The following MYLK variants were observed in gnomAD, a reference collection of about 807,000 sequenced individuals.
The protein encoded by MYLK is myosin light chain kinase, smooth muscle.
Under a neutral mutation model 203.4 loss-of-function variants are expected in MYLK, and 106 were observed. The observed-to-expected ratio is 0.52, with a 90% CI of 0.45 to 0.61. The LOEUF (loss-of-function observed/expected upper bound fraction) is 0.61. Among genes scored for constraint, MYLK ranks in the 20% least tolerant of loss-of-function variants. MYLK has a pLI of 0.00. For missense variants in MYLK, 2,072 were observed against 2,442.3 expected (o/e 0.85, Z 3.20); for synonymous variants, 867 against 959.5 (o/e 0.90, Z 1.78).
chr3:123,847,514 T>C (rs1041561721), intron 2 of MYLK, among the ~76,000 whole-genome samples: 1 of 152,122 alleles, frequency 6.6e-6, no homozygotes, highest in African/African-American at 2.4e-5. Context: ...GATGTTACTG[T>C]GTATTGTTAA....
intron 3 of MYLK, among the ~76,000 whole-genome samples, chr3:123,826,066 C>T (rs974657438): frequency 6.6e-6 from 1 of 152,186 alleles, no homozygotes; most frequent in Admixed American, 6.5e-5. Context: ...CCACCCCCAC[C>T]CCCAAAAAAG....
intron 13 of MYLK, among the ~76,000 whole-genome samples, chr3:123,720,061 T>C (rs1024570501): frequency 1.6e-4 from 25 of 152,228 alleles, no homozygotes; most frequent in African/African-American, 4.6e-4. Flanking sequence ...TTGTTCACCA[T>C]TTATGGTATC....
chr3:123,698,076 A>G (rs2061005725), intron 18 of MYLK, among the ~76,000 whole-genome samples: 1 of 152,128 alleles, frequency 6.6e-6, no homozygotes, highest in Non-Finnish European at 1.5e-5. Context: ...TAGTTGAGTG[A>G]ATTGTTTGTA....
At position 123,613,809 on chromosome 3, in the gene MYLK, T is replaced by C. The variant is rs180865585; in HGVS notation, c.*296A>G. ...GAATTTATGACTTTGCCCAGATAAA[T>C]ATTTGGTTTGGTTACTTTCTCTCTA... is the stretch of plus-strand genomic sequence containing the variant. On this transcript the variant is annotated 3_prime_UTR_variant, in exon 34 of 34. Coordinates refer to ENST00000360304, the MANE Select transcript of MYLK (RefSeq NM_053025.4). 9.9e-5 allele frequency: 40 copies of C among 402,190 alleles called. No homozygotes were observed. Among genetic ancestry groups the C allele is most frequent in the Middle Eastern group, 7.8e-4 (1 of 1,288 alleles). 24.9% of individuals were successfully genotyped at this position (402,190 alleles called of 1,614,324 possible).
chr3:123,844,822 GTTTTTTTTTTTTTTT>G (rs146243787), intron 2 of MYLK, among the ~76,000 whole-genome samples: 14 of 117,854 alleles, frequency 1.2e-4, no homozygotes, highest in Non-Finnish European at 2.1e-4. Flanking sequence ...CTCCTCAGTT[GTTTTTTTTTTTTTTT>G]TTTTTTTTTT....
intron 2 of MYLK, among the ~76,000 whole-genome samples, chr3:123,833,691 A>C (rs2066404081): frequency 6.6e-6 from 1 of 152,198 alleles, no homozygotes; most frequent in South Asian, 2.1e-4. Context: ...ACAAAAAATA[A>C]AGCTGTTAAT....
At chr3:123,628,748 ATCT>A (rs2058276187) in intron 30 of MYLK, among the ~76,000 whole-genome samples, 1 of 152,038 alleles carries the variant, frequency 6.6e-6, no homozygotes, top group Non-Finnish European at 1.5e-5. Context: ...CCAAGCTCCA[ATCT>A]TCTACTGAAA....
chr3:123,626,098 AG>A (rs1199849316), intron 31 of MYLK, among the ~76,000 whole-genome samples: 1 of 152,138 alleles, frequency 6.6e-6, no homozygotes, highest in East Asian at 1.9e-4. Context: ...CCTGCCTCCT[AG>A]GGTTAAAAGA....
intron 19 of MYLK, among the ~76,000 whole-genome samples, chr3:123,682,637 C>T (rs2060309574): frequency 6.6e-6 from 1 of 152,220 alleles, no homozygotes; most frequent in African/African-American, 2.4e-5. Flanking sequence ...GCTCACCTTC[C>T]CTGGCTTTCT....
chr3:123,651,697 C>A (rs1478746130), intron 24 of MYLK, among the ~76,000 whole-genome samples: 1 of 152,196 alleles, frequency 6.6e-6, no homozygotes, highest in African/African-American at 2.4e-5. Flanking sequence ...CCCTGCGTGC[C>A]TTGAAGGGGG....
rs552470599 is a variant in MYLK, at chr3:123,662,661, G to A, written c.3985+1444C>T. Reference sequence around the variant, plus strand: ...ATTCCAGTGGAAGACTTCTAACCACGGTAGCCACACAAGCCCTGTTACCAA... The same window carrying A: ...ATTCCAGTGGAAGACTTCTAACCACAGTAGCCACACAAGCCCTGTTACCAA... On this transcript the variant is annotated intron_variant, in intron 23 of 33. Coordinates refer to ENST00000360304, the MANE Select transcript of MYLK (RefSeq NM_053025.4). Among the ~76,000 whole-genome samples the A allele has an allele frequency of 3.1e-4, 47 of 152,272 alleles. 1 individual carries two copies. In the South Asian group the frequency reaches 8.9e-3, roughly 29 times the overall value.
chr3:123,883,476 C>A (rs1485994109), intron 1 of MYLK, among the ~76,000 whole-genome samples: 1 of 152,206 alleles, frequency 6.6e-6, no homozygotes, highest in Non-Finnish European at 1.5e-5. Flanking sequence ...ACCATTTCCC[C>A]ATCAGCCCAT....
At chr3:123,645,621 G>T (rs1172310879) in intron 27 of MYLK, among the ~76,000 whole-genome samples, 1 of 152,154 alleles carries the variant, frequency 6.6e-6, no homozygotes, top group African/African-American at 2.4e-5. Context: ...CTTCACTTCT[G>T]GGAGTTTATC....
intron 18 of MYLK, among the ~76,000 whole-genome samples, chr3:123,698,658 A>G (rs1019239345): frequency 2.0e-5 from 3 of 152,150 alleles, no homozygotes; most frequent in African/African-American, 2.4e-5. Flanking sequence ...GGACATCCAC[A>G]TGGAAAAGTT....
At chr3:123,677,118 C>T (rs1254181823) in intron 20 of MYLK, among the ~76,000 whole-genome samples, 1 of 152,194 alleles carries the variant, frequency 6.6e-6, no homozygotes, top group Middle Eastern at 3.2e-3. Context: ...GACACTTTTG[C>T]TGCTGTGTGA....
chr3:123,683,210 C>T (rs999222484), intron 19 of MYLK, among the ~76,000 whole-genome samples: 5 of 144,762 alleles, frequency 3.5e-5, no homozygotes, highest in South Asian at 2.3e-4. Context: ...TCTTTGGGGA[C>T]GGCGCTGAGA....
Position 123,733,004 on chromosome 3 carries a change from G to A in MYLK, c.1408C>T (p.His470Tyr), listed in dbSNP as rs767330046. Residue 470 changes from histidine to tyrosine, a missense_variant, in exon 11 of 34, where the codon CAT (histidine) becomes TAT (tyrosine). This residue lies in a region of MYLK where 683 missense variants were observed against 643.8 expected (regional missense o/e 1.06). Coordinates refer to ENST00000360304, the MANE Select transcript of MYLK (RefSeq NM_053025.4). The part of the protein sequence containing the change: ...SIEVYEDAGS[H>Y]YLCLLKARTR... Reference sequence around the variant, plus strand: ...CGGGCTTTCAGCAGGCAGAGGTAATGGGAGCCAGCATCTTCATAAACCTCA... The same window carrying A: ...CGGGCTTTCAGCAGGCAGAGGTAATAGGAGCCAGCATCTTCATAAACCTCA... 1.9e-6 allele frequency: 3 copies of A among 1,614,088 alleles called. No individual in the cohort carries two copies. The highest frequency in any genetic ancestry group is 1.7e-6 in the Non-Finnish European group (2 of 1,180,046).
intron 1 of MYLK, among the ~76,000 whole-genome samples, chr3:123,879,095 C>T (rs2033347210): frequency 6.6e-6 from 1 of 152,162 alleles, no homozygotes; most frequent in Non-Finnish European, 1.5e-5. Context: ...AAGTGAGCTA[C>T]AATATATGAG....
chr3:123,728,271 G>A (rs1453918253), intron 11 of MYLK, among the ~76,000 whole-genome samples: 1 of 152,192 alleles, frequency 6.6e-6, no homozygotes. Context: ...GGTAGGCCAA[G>A]GCAGAAGGAC....
Sources: allele counts gnomAD v4.1 joint callset (sites outside exome capture counted in the v4.1 genomes callset), GRCh38; gene constraint gnomAD v4.1.1; regional missense constraint gnomAD v4.1.1; transcripts MANE v1.5; gene names NCBI Gene and HGNC (gene_info 2026-07-23, HGNC 2026-07-21).